The following PTPRD variants were observed in gnomAD, a reference collection of about 807,000 sequenced individuals.
The protein encoded by PTPRD is protein tyrosine phosphatase receptor type D, also known as receptor-type tyrosine-protein phosphatase delta.
In PTPRD, 34 loss-of-function variants were observed where a neutral mutation model predicts 214.5. The ratio of observed to expected loss-of-function variants is 0.16; its 90% CI spans 0.12 to 0.21. The LOEUF is 0.21. PTPRD is among the 10% of genes least tolerant of loss of function. The probability of loss-of-function intolerance (pLI) is 1.00; values close to 1 mark genes in which losing one functional copy is unlikely to be tolerated. For synonymous variants in PTPRD, 1,128 were observed against 845.7 expected (o/e 1.33, Z -5.79); for missense variants, 2,545 against 2,398.7 (o/e 1.06, Z -1.27).
intron 39 of PTPRD, among the ~76,000 whole-genome samples, chr9:8,358,295 G>A (rs2077476071): frequency 6.6e-6 from 1 of 151,770 alleles, no homozygotes; most frequent in African/African-American, 2.4e-5. Flanking sequence ...TTTTCTTGAA[G>A]GTTCACTTCT....
At chr9:9,971,195 A>G (rs2095078587) in intron 4 of PTPRD, among the ~76,000 whole-genome samples, 1 of 152,242 alleles carries the variant, frequency 6.6e-6, no homozygotes, top group African/African-American at 2.4e-5. Flanking sequence ...AAAAAATAAA[A>G]ACATCAGGTA....
At chr9:9,712,783 C>T (rs749510113) in intron 7 of PTPRD, among the ~76,000 whole-genome samples, 56 of 152,216 alleles carry the variant, frequency 3.7e-4, no homozygotes, top group Non-Finnish European at 6.2e-4. Flanking sequence ...CCAGACCTAC[C>T]TAAGAAATGC....
chr9:10,143,589 A>G (rs1044414857), intron 3 of PTPRD, among the ~76,000 whole-genome samples: 19 of 152,202 alleles, frequency 1.2e-4, no homozygotes, highest in African/African-American at 4.3e-4. Flanking sequence ...AATTGTATCA[A>G]AAAGTCATAT....
At chr9:9,682,270 G>C (rs2097090044) in intron 7 of PTPRD, among the ~76,000 whole-genome samples, 2 of 151,622 alleles carry the variant, frequency 1.3e-5, no homozygotes, top group Admixed American at 6.6e-5. Flanking sequence ...TTCTTACCTG[G>C]TTTTCTCTAG....
intron 11 of PTPRD, among the ~76,000 whole-genome samples, chr9:8,949,787 C>T (rs552993688): frequency 2.0e-5 from 3 of 152,058 alleles, no homozygotes; most frequent in Admixed American, 6.6e-5. Flanking sequence ...TTGTCTTCTA[C>T]GTGTTGCTTT....
intron 33 of PTPRD, among the ~76,000 whole-genome samples, chr9:8,450,891 A>G (rs1275225427): frequency 6.6e-6 from 1 of 152,148 alleles, no homozygotes; most frequent in Admixed American, 6.5e-5. Context: ...CACAGTCACA[A>G]TCCTAGTATC....
At chr9:8,730,443 T>TA (rs201191954) in intron 12 of PTPRD, among the ~76,000 whole-genome samples, 584 of 151,816 alleles carry the variant, frequency 3.8e-3, no homozygotes, top group African/African-American at 0.013. Flanking sequence ...CTCTACAATT[T>TA]AAAAAAAATG....
intron 4 of PTPRD, among the ~76,000 whole-genome samples, chr9:9,966,791 A>G (rs1005600572): frequency 1.3e-5 from 2 of 152,112 alleles, no homozygotes; most frequent in African/African-American, 4.8e-5. Flanking sequence ...AAAATACAAA[A>G]ACTTACAGAT....
At chr9:8,471,169 G>T in intron 30 of PTPRD, 84 bp from the exon 31 acceptor site, 8 of 1,075,276 alleles carry the variant, frequency 7.4e-6, no homozygotes, top group Non-Finnish European at 1.2e-5. Flanking sequence ...ACAGACCAAT[G>T]AGGTTGAAGG....
chr9:8,791,312 G>A (rs1012034460), intron 11 of PTPRD, among the ~76,000 whole-genome samples: 15 of 151,716 alleles, frequency 9.9e-5, no homozygotes, highest in Admixed American at 6.6e-4. Context: ...TGCAAACTCC[G>A]CCTCCCAGGT....
intron 12 of PTPRD, among the ~76,000 whole-genome samples, chr9:8,653,236 T>C (rs1565008561): frequency 6.6e-6 from 1 of 152,142 alleles, no homozygotes; most frequent in Non-Finnish European, 1.5e-5. Context: ...TATCTATTAG[T>C]TACTCCAATT....
intron 10 of PTPRD, among the ~76,000 whole-genome samples, chr9:9,113,963 A>G (rs2099809694): frequency 2.0e-5 from 3 of 152,178 alleles, no homozygotes; most frequent in South Asian, 4.1e-4. Flanking sequence ...TGGTCTGTTG[A>G]TGGAAGGAGC....
At position 8,982,131 on chromosome 9, in the gene PTPRD, T is replaced by C. The variant is rs569759220; in HGVS notation, c.-104+36566A>G. 3.3e-5 allele frequency among the ~76,000 whole-genome samples: 5 copies of C among 152,164 alleles called. No individual in the cohort carries two copies. The South Asian group carries it at 1.0e-3, about 32-fold the overall frequency. On this transcript the variant is annotated intron_variant, in intron 11 of 45. Coordinates refer to ENST00000381196, the MANE Select transcript of PTPRD (RefSeq NM_002839.4). ...GAAATTAACACACTGAATTTAATAA[T>C]TTCACATTGTTAAAAGAGGAAAATA...
intron 14 of PTPRD, among the ~76,000 whole-genome samples, chr9:8,543,940 G>C (rs907230471): frequency 2.0e-5 from 3 of 152,058 alleles, no homozygotes; most frequent in Admixed American, 6.6e-5. Context: ...TCAAACCCCT[G>C]ACTTCATGAC....
chr9:10,291,311 T>A (rs2095521121), intron 3 of PTPRD, among the ~76,000 whole-genome samples: 1 of 152,154 alleles, frequency 6.6e-6, no homozygotes, highest in Non-Finnish European at 1.5e-5. Context: ...ATGTAGTAGA[T>A]GGAATGATGG....
chr9:8,926,448 T>C (rs1205044946), intron 11 of PTPRD, among the ~76,000 whole-genome samples: 3 of 152,298 alleles, frequency 2.0e-5, no homozygotes, highest in South Asian at 2.1e-4. Context: ...AGTTTTCTAA[T>C]ACTTTATGGT....
chr9:9,293,877 A>G (rs1384789135), intron 9 of PTPRD, among the ~76,000 whole-genome samples: 1 of 151,566 alleles, frequency 6.6e-6, no homozygotes, highest in Non-Finnish European at 1.5e-5. Flanking sequence ...TTTCACAGAT[A>G]AAAGATCTTA....
chr9:8,742,758 A>T (rs1332316336), intron 11 of PTPRD, among the ~76,000 whole-genome samples: 1 of 152,154 alleles, frequency 6.6e-6, no homozygotes, highest in African/African-American at 2.4e-5. Flanking sequence ...TTGTTTTTTA[A>T]ATAGTTCATT....
chr9:9,463,770 C>A (rs755554241), intron 8 of PTPRD, among the ~76,000 whole-genome samples: 1 of 151,838 alleles, frequency 6.6e-6, no homozygotes, highest in Non-Finnish European at 1.5e-5. Context: ...TGATACTTTT[C>A]GTTTCTTTTG....
Sources: gnomAD v4.1 joint callset for allele counts (sites outside exome capture counted in the v4.1 genomes callset) on GRCh38, gnomAD v4.1.1 for gene constraint, MANE v1.5 for transcripts, NCBI Gene and HGNC (gene_info 2026-07-23, HGNC 2026-07-21) for gene names.